Variants in FLRT2 observed in about 807,000 individuals in gnomAD.
The protein encoded by FLRT2 is fibronectin leucine rich transmembrane protein 2, also known as leucine-rich repeat transmembrane protein FLRT2.
In FLRT2, 15 loss-of-function variants were observed where a neutral mutation model predicts 40.0. The observed-to-expected ratio is 0.38, with a 90% CI of 0.25 to 0.58. FLRT2 has a LOEUF of 0.58. Ranked by LOEUF, FLRT2 falls within the 20% of genes least tolerant of loss-of-function variation. The pLI is 0.71. For missense variants in FLRT2, 726 were observed against 840.0 expected (o/e 0.86, Z 1.68); for synonymous variants, 380 against 336.8 (o/e 1.13, Z -1.41).
In FLRT2 at chr14:85,636,398, A is replaced by AC. The variant is rs1261606960; in HGVS notation, c.*12901_*12902insC. Reference sequence around the variant, plus strand: ...AGGTGAAGTCACCTGCAGAAAAAAAAAAAAAAAAAACAAAAAACATTCTTA... The same window carrying AC: ...AGGTGAAGTCACCTGCAGAAAAAAAACAAAAAAAAAACAAAAAACATTCTTA... On this transcript the variant is annotated 3_prime_UTR_variant, in exon 2 of 2. Coordinates refer to ENST00000330753, the MANE Select transcript of FLRT2 (RefSeq NM_013231.6). 2 of 145,308 alleles carry AC rather than the reference A, an allele frequency of 1.4e-5. No individual in the cohort carries two copies. The highest frequency in any genetic ancestry group is 1.5e-5 in the Non-Finnish European group (1 of 65,694). 9.0% of individuals were successfully genotyped at this position (145,308 alleles called of 1,614,324 possible).
At position 85,638,007 on chromosome 14, in the gene FLRT2, G is replaced by A. The variant is rs141789798; in HGVS notation, c.*14510G>A. 6.6e-6 allele frequency: 1 copy of A among 152,224 alleles called. No individual in the cohort carries two copies. The highest frequency in any genetic ancestry group is 1.9e-4 in the East Asian group (1 of 5,168). The allele number at this position is 152,224 out of a possible 1,614,324, so 9.4% of individuals were successfully genotyped here. A position where few individuals can be genotyped will look rare whatever the true frequency, so the allele number is the denominator to read the frequency against. On this transcript the variant is annotated 3_prime_UTR_variant, in exon 2 of 2. Coordinates refer to ENST00000330753, the MANE Select transcript of FLRT2 (RefSeq NM_013231.6). ...TTGATACCAGGCATCACTACAAAAT[G>A]TATACACATTACCTAGATTTTCAAG...
At chr14:85,541,816 G>GCCTT (rs1888998878) in intron 1 of FLRT2, among the ~76,000 whole-genome samples, 3 of 152,236 alleles carry the variant, frequency 2.0e-5, no homozygotes, top group Admixed American at 2.0e-4. Context: ...CCACCCCCAT[G>GCCTT]CCTTCTACCT....
rs961946862 is a variant in FLRT2, at chr14:85,637,422, G to A, written c.*13925G>A. On this transcript the variant is annotated 3_prime_UTR_variant, in exon 2 of 2. Coordinates refer to ENST00000330753, the MANE Select transcript of FLRT2 (RefSeq NM_013231.6). ...TGTTTGGTTTCATATTTTTTAAAAG[G>A]TATAACAAAAACACCTACCACAGTG... The A allele has an allele frequency of 2.0e-5, 3 of 152,240 alleles. No homozygotes were observed. Among genetic ancestry groups the A allele is most frequent in the Middle Eastern group, 6.8e-3 (2 of 294 alleles). 9.4% of individuals were successfully genotyped at this position (152,240 alleles called of 1,614,324 possible). A position where few individuals can be genotyped will look rare whatever the true frequency, so the allele number is the denominator to read the frequency against.
rs1410062815 is a variant in FLRT2 at position 85,639,385 on chromosome 14, T to A, written c.*15888T>A. ...TGGTTTTAAAATAAGCAGCTTTTCT[T>A]GAAAGTAGTTTACCGGGTTGGGCAA... On this transcript the variant is annotated 3_prime_UTR_variant, in exon 2 of 2. Coordinates refer to ENST00000330753, the MANE Select transcript of FLRT2 (RefSeq NM_013231.6). The A allele has an allele frequency of 6.6e-6, 1 of 152,170 alleles. No individual in the cohort carries two copies. The highest frequency in any genetic ancestry group is 2.4e-5 in the African/African-American group (1 of 41,434). The allele number at this position is 152,170 out of a possible 1,614,324, so 9.4% of individuals were successfully genotyped here. A position where few individuals can be genotyped will look rare whatever the true frequency, so the allele number is the denominator to read the frequency against.
Position 85,646,612 on chromosome 14 carries a change from T to G in FLRT2, c.*23115T>G, listed in dbSNP as rs998025047. ...CTTCTGTTTCAGGGCTTCTCGAATT[T>G]TTTTTTCTTTTATTTATTTTTTGAG... On this transcript the variant is annotated 3_prime_UTR_variant, in exon 2 of 2. Coordinates refer to ENST00000330753, the MANE Select transcript of FLRT2 (RefSeq NM_013231.6). 2 of 152,152 alleles carry G rather than the reference T, an allele frequency of 1.3e-5. No individual in the cohort carries two copies. Among genetic ancestry groups the G allele is most frequent in the African/African-American group, 2.4e-5 (1 of 41,422 alleles). The allele number at this position is 152,152 out of a possible 1,614,324, so 9.4% of individuals were successfully genotyped here.
chr14:85,638,379 G>T lies in FLRT2; in HGVS notation c.*14882G>T, dbSNP rs778865217. The T allele has an allele frequency of 6.6e-6, 1 of 152,220 alleles. No individual in the cohort carries two copies. The highest frequency in any genetic ancestry group is 1.5e-5 in the Non-Finnish European group (1 of 68,060). 9.4% of individuals were successfully genotyped at this position (152,220 alleles called of 1,614,324 possible). On this transcript the variant is annotated 3_prime_UTR_variant, in exon 2 of 2. Transcript: ENST00000330753. ...TGACTGATCAATATTGGGGTAGGAA[G>T]TCTTAGACATCTTACTCCAGCTCAG... is the stretch of plus-strand genomic sequence containing the variant.
chr14:85,618,806 G>T (rs112253336), intron 1 of FLRT2, among the ~76,000 whole-genome samples: 3,478 of 152,128 alleles, frequency 0.023, 139 homozygotes, highest in African/African-American at 0.08. Context: ...AACATTCTGG[G>T]CCTGAGGTTT....
intron 1 of FLRT2, among the ~76,000 whole-genome samples, chr14:85,555,299 A>C (rs1029388856): frequency 5.9e-5 from 9 of 152,210 alleles, no homozygotes; most frequent in Admixed American, 2.6e-4. Context: ...GCAGTGTATT[A>C]GTCTGTTTTC....
At chr14:85,566,576 T>TGTGTGTGTGC (rs1289985309) in intron 1 of FLRT2, among the ~76,000 whole-genome samples, 2 of 151,750 alleles carry the variant, frequency 1.3e-5, no homozygotes, top group Non-Finnish European at 2.9e-5. Flanking sequence ...TGTGTGTGTG[T>TGTGTGTGTGC]GCAAGATAGA....
intron 1 of FLRT2, among the ~76,000 whole-genome samples, chr14:85,604,422 G>A (rs567773207): frequency 2.5e-4 from 38 of 152,052 alleles, no homozygotes; most frequent in African/African-American, 8.2e-4. Context: ...CTAAGCACTC[G>A]AATCATATCT....
chr14:85,555,462 C>T (rs931018506), intron 1 of FLRT2, among the ~76,000 whole-genome samples: 4 of 150,504 alleles, frequency 2.7e-5, no homozygotes, highest in Non-Finnish European at 5.9e-5. Context: ...AGAATGAGAA[C>T]TAAGCAAAAG....
chr14:85,632,561 C>G lies in FLRT2; in HGVS notation c.*9064C>G, dbSNP rs866381656. On this transcript the variant is annotated 3_prime_UTR_variant, in exon 2 of 2. Coordinates refer to ENST00000330753, the MANE Select transcript of FLRT2 (RefSeq NM_013231.6). Reference sequence around the variant, plus strand: ...ACACAAAGTTAAACATTTCGACAGTCGGCTAGTCAAAATGAATTCTTTGCA... The same window carrying G: ...ACACAAAGTTAAACATTTCGACAGTGGGCTAGTCAAAATGAATTCTTTGCA... 1 of 150,542 alleles carries G rather than the reference C, an allele frequency of 6.6e-6. No individual in the cohort carries two copies. The highest frequency in any genetic ancestry group is 1.5e-5 in the Non-Finnish European group (1 of 67,852). The allele number at this position is 150,542 out of a possible 1,614,324, so 9.3% of individuals were successfully genotyped here.
chr14:85,643,079 A>C lies in FLRT2; in HGVS notation c.*19582A>C, dbSNP rs567787441. On this transcript the variant is annotated 3_prime_UTR_variant, in exon 2 of 2. Transcript: ENST00000330753. ...TTTTTATTAGGTCATTATTCTCAAC[A>C]TGAGGGCTCCACCCTTATGGATTAA... is the stretch of plus-strand genomic sequence containing the variant. 2.0e-5 allele frequency: 3 copies of C among 152,238 alleles called. No homozygotes were observed. The highest frequency in any genetic ancestry group is 2.0e-4 in the Admixed American group (3 of 15,290). The allele number at this position is 152,238 out of a possible 1,614,324, so 9.4% of individuals were successfully genotyped here. A position where few individuals can be genotyped will look rare whatever the true frequency, so the allele number is the denominator to read the frequency against.
chr14:85,605,066 T>C (rs1267329731), intron 1 of FLRT2, among the ~76,000 whole-genome samples: 1 of 152,216 alleles, frequency 6.6e-6, no homozygotes, highest in Admixed American at 6.5e-5. Context: ...TGCCTGGGTA[T>C]GGAAGACTTT....
At chr14:85,534,230 T>G (rs919698377) in intron 1 of FLRT2, among the ~76,000 whole-genome samples, 1 of 152,186 alleles carries the variant, frequency 6.6e-6, no homozygotes, top group Non-Finnish European at 1.5e-5. Flanking sequence ...TGGTGCCTCA[T>G]CTTGTAGCTC....
chr14:85,562,616 C>CTTACTTTTTT (rs72527659), intron 1 of FLRT2: 22 of 24,898 alleles, frequency 8.8e-4, no homozygotes, highest in Admixed American at 1.2e-3. Flanking sequence ...ACCTTTCTTT[C>CTTACTTTTTT]TTTCTTTTTT....
intron 1 of FLRT2, among the ~76,000 whole-genome samples, chr14:85,599,136 G>T (rs552201780): frequency 1.3e-5 from 2 of 151,084 alleles, no homozygotes; most frequent in South Asian, 2.1e-4. Context: ...TAGCCAGGAT[G>T]ATCTTGATCT....
chr14:85,562,371 A>G (rs1218902340), intron 1 of FLRT2, among the ~76,000 whole-genome samples: 1 of 152,182 alleles, frequency 6.6e-6, no homozygotes, highest in African/African-American at 2.4e-5. Flanking sequence ...GGTGTGTGGC[A>G]TTTGGCATCA....
At chr14:85,619,929 A>G (rs1275941235) in intron 1 of FLRT2, among the ~76,000 whole-genome samples, 1 of 152,232 alleles carries the variant, frequency 6.6e-6, no homozygotes, top group African/African-American at 2.4e-5. Context: ...CTATAAAAGC[A>G]GGAAAGCACA....
Sources: allele counts gnomAD v4.1 joint callset (sites outside exome capture counted in the v4.1 genomes callset), GRCh38; gene constraint gnomAD v4.1.1; transcripts MANE v1.5; gene names NCBI Gene and HGNC (gene_info 2026-07-23, HGNC 2026-07-21).